Variants in CCDC14 observed in about 807,000 individuals in gnomAD.
CCDC14 encodes the protein coiled-coil domain-containing protein 14.
CCDC14 carries 71 observed loss-of-function variants against 81.4 expected under a neutral mutation model. The ratio of observed to expected loss-of-function variants is 0.87; its 90% CI spans 0.72 to 1.06. The LOEUF (loss-of-function observed/expected upper bound fraction) is 1.06, where lower values mean the gene tolerates loss of function less well. Among genes scored for constraint, CCDC14 ranks in the 50% least tolerant of loss-of-function variants. CCDC14 has a pLI of 0.00. For synonymous variants in CCDC14, 332 were observed against 364.8 expected (o/e 0.91, Z 1.03); for missense variants, 1,046 against 1,047.3 (o/e 1.00, Z 0.02).
downstream of CCDC14, among the ~76,000 whole-genome samples, chr3:123,908,948 A>G (rs981327791): frequency 5.3e-5 from 8 of 152,290 alleles, no homozygotes; most frequent in Middle Eastern, 3.4e-3. Context: ...GTCTAATCAT[A>G]TTGACTGACC....
rs542329348 is a variant in CCDC14, at chr3:123,946,858, T to C, written c.1146A>G (p.Lys382=). 6.2e-7 allele frequency: 1 copy of C among 1,613,956 alleles called. No homozygotes were observed. The highest frequency in any genetic ancestry group is 1.1e-5 in the South Asian group (1 of 91,072). The change falls in exon 8 of 13, where the codon AAA becomes AAG. Residue 382 remains lysine, a synonymous_variant. Coordinates refer to ENST00000409697, the MANE Select transcript of CCDC14 (RefSeq NM_001366335.1). ...CCAACAAATATTTTATAATTCTAAC[T>C]TTTTCAGCTGTCTTGTTCACATTTT... ...KAKNVNKTAE[K]VRIIKYLLGE...
chr3:123,938,973 G>A lies in CCDC14; in HGVS notation c.1344-5218C>T, dbSNP rs146620436. Among the ~76,000 whole-genome samples, 450 of 151,978 alleles carry A rather than the reference G, an allele frequency of 3.0e-3. 5 individuals carry two copies. Among genetic ancestry groups the A allele is most frequent in the African/African-American group, 9.5e-3 (396 of 41,536 alleles). ...TCTGATCTATAACCATAATTTCCACGGTTGTCTTAGTTTTATGTATAGATT... is the reference window on the plus strand; with the variant it reads ...TCTGATCTATAACCATAATTTCCACAGTTGTCTTAGTTTTATGTATAGATT... On this transcript the variant is annotated intron_variant, in intron 9 of 12. Coordinates refer to ENST00000409697, the MANE Select transcript of CCDC14 (RefSeq NM_001366335.1).
intron 5 of CCDC14, chr3:123,953,307 C>G (rs2037138692): frequency 6.6e-6 from 1 of 152,280 alleles, no homozygotes; most frequent in Non-Finnish European, 1.5e-5. Context: ...TAATGTTTCC[C>G]TCTGGGACAA....
At chr3:123,936,817 C>A (rs542435914) in intron 9 of CCDC14, among the ~76,000 whole-genome samples, 69 of 152,090 alleles carry the variant, frequency 4.5e-4, no homozygotes, top group Middle Eastern at 3.4e-3. Flanking sequence ...ATGTAACAAA[C>A]CTTCACGTGT....
At chr3:123,959,457 T>C (rs2037542075) in intron 1 of CCDC14, among the ~76,000 whole-genome samples, 1 of 152,218 alleles carries the variant, frequency 6.6e-6, no homozygotes, top group Non-Finnish European at 1.5e-5. Context: ...CAAATCCTTT[T>C]TTCGTTTTTT....
At chr3:123,957,980 T>C (rs1480715490) in intron 1 of CCDC14, 1 of 152,094 alleles carries the variant, frequency 6.6e-6, no homozygotes, top group Non-Finnish European at 1.5e-5. Context: ...GGCATTCTAT[T>C]ATATGCTTGA....
At chr3:123,887,637 G>C in the CCDC14 span, among the ~76,000 whole-genome samples, 2 of 152,164 alleles carry the variant, frequency 1.3e-5, no homozygotes, top group Non-Finnish European at 2.9e-5. Context: ...ACTTTGCCTA[G>C]ATGCCCAAAT....
At chr3:123,958,671 A>G (rs1183403740) in intron 1 of CCDC14, 1 of 152,118 alleles carries the variant, frequency 6.6e-6, no homozygotes, top group African/African-American at 2.4e-5. Context: ...ATTCTCTAAC[A>G]TAACCACAGT....
At chr3:123,951,918 G>C (rs946258578) in intron 5 of CCDC14, among the ~76,000 whole-genome samples, 7 of 152,096 alleles carry the variant, frequency 4.6e-5, no homozygotes, top group Non-Finnish European at 8.8e-5. Context: ...TTTACTTAAC[G>C]ATATGAAGTC....
At chr3:123,952,935 A>C (rs1487942094) in intron 5 of CCDC14, 2 of 188,236 alleles carry the variant, frequency 1.1e-5, no homozygotes, top group African/African-American at 4.7e-5. Context: ...CTAATATTGC[A>C]ACCCTAAAGA....
intron 9 of CCDC14, among the ~76,000 whole-genome samples, chr3:123,943,153 T>G (rs761753402): frequency 2.0e-5 from 3 of 151,766 alleles, no homozygotes; most frequent in Non-Finnish European, 4.4e-5. Flanking sequence ...TACACATACA[T>G]ATATATATAT....
intron 5 of CCDC14, among the ~76,000 whole-genome samples, chr3:123,902,368 G>T (rs184934695): frequency 5.6e-4 from 86 of 152,284 alleles, no homozygotes; most frequent in Admixed American, 1.4e-3. Flanking sequence ...GAGCATCAAT[G>T]GTTGCTAACC....
chr3:123,898,670 C>A (rs963281470), intron 5 of CCDC14, among the ~76,000 whole-genome samples: 2 of 152,070 alleles, frequency 1.3e-5, no homozygotes, highest in African/African-American at 4.8e-5. Flanking sequence ...TTGAATCCAG[C>A]ACTTGTGAAT....
rs770471645 is a variant in CCDC14 at position 123,931,462 on chromosome 3, C to T, written c.1491G>A (p.Gln497=). ...QNQLEESLKS[Q]ELLQSKNEEL... is the part of the protein sequence containing the mutation. ...CTTCATTTTTACTCTGCAGTAATTC[C>T]TGGCTCTTTAGTGACTCCTCCAATT... is the stretch of plus-strand genomic sequence containing the variant. The change falls in exon 11 of 13, where the codon CAG becomes CAA. Residue 497 remains glutamine (Q), a synonymous_variant. Transcript: ENST00000409697. 7 of 1,577,428 alleles carry T rather than the reference C, an allele frequency of 4.4e-6. No homozygotes were observed. In the South Asian group the frequency reaches 8.1e-5, roughly 18 times the overall value.
Position 123,956,766 on chromosome 3 carries a change from A to C in CCDC14, c.60T>G (p.Pro20=). 3 of 1,547,438 alleles carry C rather than the reference A, an allele frequency of 1.9e-6. No homozygotes were observed. The highest frequency in any genetic ancestry group is 2.6e-6 in the Non-Finnish European group (3 of 1,143,836). ...QVLSSGRHTG[P]AKLTNGKKAT... ...CTTTCTTTCCATTTGTTAATTTAGC[A>C]GGTCCAGTGTGCCTTCCTGAAGATA... Residue 20 remains proline, a synonymous_variant, in exon 2 of 13, where the codon CCT becomes CCG. Coordinates refer to ENST00000409697, the MANE Select transcript of CCDC14 (RefSeq NM_001366335.1).
At chr3:123,930,575 A>AG (rs746924239) in intron 12 of CCDC14, among the ~76,000 whole-genome samples, 4 of 152,214 alleles carry the variant, frequency 2.6e-5, no homozygotes, top group Non-Finnish European at 5.9e-5. Flanking sequence ...AGTGATCTCA[A>AG]GGGGTACTGC....
At chr3:123,912,911 G>A (rs1209091041), downstream of CCDC14, among the ~76,000 whole-genome samples, 2 of 151,882 alleles carry the variant, frequency 1.3e-5, no homozygotes, top group Non-Finnish European at 2.9e-5. Flanking sequence ...GGTCTACCAC[G>A]GTACATCCTA....
the CCDC14 span, among the ~76,000 whole-genome samples, chr3:123,886,533 G>A: frequency 2.6e-5 from 4 of 152,116 alleles, no homozygotes; most frequent in South Asian, 8.3e-4. Flanking sequence ...GAATAGGTGG[G>A]ATTATAGGCA....
intron 5 of CCDC14, among the ~76,000 whole-genome samples, chr3:123,950,537 G>A (rs1056145466): frequency 2.0e-5 from 3 of 152,160 alleles, no homozygotes; most frequent in African/African-American, 4.8e-5. Flanking sequence ...ACACAAGGGC[G>A]CACAGTGTTC....
Sources: gnomAD v4.1 joint callset for allele counts (sites outside exome capture counted in the v4.1 genomes callset) on GRCh38, gnomAD v4.1.1 for gene constraint, MANE v1.5 for transcripts, NCBI Gene and HGNC (gene_info 2026-07-23, HGNC 2026-07-21) for gene names.